Variants in GREB1L observed in about 807,000 individuals in gnomAD.
GREB1L encodes the protein GREB1 like retinoic acid receptor coactivator.
In GREB1L, 17 loss-of-function variants were observed where a neutral mutation model predicts 200.8. The ratio of observed to expected loss-of-function variants is 0.08; its 90% confidence interval spans 0.06 to 0.13. The LOEUF (loss-of-function observed/expected upper bound fraction) is 0.13, where lower values mean the gene tolerates loss of function less well. Among genes scored for constraint, GREB1L ranks in the 10% least tolerant of loss-of-function variants. The probability of loss-of-function intolerance (pLI) is 1.00; values close to 1 mark genes in which losing one functional copy is unlikely to be tolerated. For synonymous variants in GREB1L, 789 were observed against 893.0 expected, an observed-to-expected ratio of 0.88 and a Z score of 2.08; for missense variants, 1,657 against 2,367.7, an observed-to-expected ratio of 0.70 and a Z score of 6.23.
chr18:21,411,917 C>T (rs1213607049), intron 7 of GREB1L, among the ~76,000 whole-genome samples: 1 of 151,600 alleles, frequency 6.6e-6, no homozygotes, highest in African/African-American at 2.4e-5. Context: ...CAGTGGTGGG[C>T]GCCTATAGTC....
intron 2 of GREB1L, among the ~76,000 whole-genome samples, chr18:21,375,095 A>C (rs1221131353): frequency 6.8e-6 from 1 of 147,458 alleles, no homozygotes; most frequent in African/African-American, 2.5e-5. Context: ...ATGGAGTCTC[A>C]CTCTGTTGCC....
At chr18:21,435,334 G>C (rs1201776928) in intron 7 of GREB1L, among the ~76,000 whole-genome samples, 1 of 152,092 alleles carries the variant, frequency 6.6e-6, no homozygotes, top group East Asian at 1.9e-4. Flanking sequence ...AACATTTCTT[G>C]GGCACCTGCT....
intron 4 of GREB1L, among the ~76,000 whole-genome samples, chr18:21,390,605 C>T (rs967329205): frequency 6.6e-5 from 10 of 152,144 alleles, no homozygotes; most frequent in African/African-American, 2.4e-4. Flanking sequence ...GGCGCAATCT[C>T]GGCTCACTGC....
At chr18:21,328,499 G>A (rs1440251883) in intron 1 of GREB1L, among the ~76,000 whole-genome samples, 1 of 152,128 alleles carries the variant, frequency 6.6e-6, no homozygotes, top group Non-Finnish European at 1.5e-5. Flanking sequence ...CTGAGAAATT[G>A]TGTCCAGCCC....
At chr18:21,382,000 A>G (rs2040334517) in intron 2 of GREB1L, among the ~76,000 whole-genome samples, 1 of 152,176 alleles carries the variant, frequency 6.6e-6, no homozygotes, top group Non-Finnish European at 1.5e-5. Context: ...ACCAGCTCCT[A>G]CAAGCCTTAC....
chr18:21,459,980 G>A (rs1257940881), intron 15 of GREB1L, among the ~76,000 whole-genome samples: 2 of 152,044 alleles, frequency 1.3e-5, no homozygotes, highest in Non-Finnish European at 1.5e-5. Flanking sequence ...CAGCCACAAT[G>A]ACTGCCCGCC....
At chr18:21,413,706 G>A (rs1423056237) in intron 7 of GREB1L, among the ~76,000 whole-genome samples, 1 of 152,182 alleles carries the variant, frequency 6.6e-6, no homozygotes, top group Non-Finnish European at 1.5e-5. Flanking sequence ...GGATGGGAGA[G>A]AGAAGGAAAA....
chr18:21,271,491 T>TAA (rs549329511), intron 1 of GREB1L, among the ~76,000 whole-genome samples: 13 of 140,652 alleles, frequency 9.2e-5, no homozygotes, highest in African/African-American at 3.1e-4. Context: ...TATAAAAAGC[T>TAA]AAAAAAAAAA....
intron 1 of GREB1L, among the ~76,000 whole-genome samples, chr18:21,311,386 A>G (rs1436222718): frequency 2.0e-5 from 3 of 152,214 alleles, no homozygotes; most frequent in Admixed American, 2.0e-4. Flanking sequence ...GTTTATTCTA[A>G]GTTGGTCAGA....
chr18:21,365,177 CA>C (rs1464791966), intron 1 of GREB1L, among the ~76,000 whole-genome samples: 11 of 152,018 alleles, frequency 7.2e-5, no homozygotes, highest in African/African-American at 2.2e-4. Flanking sequence ...TTTTAGACAA[CA>C]TAAATTAATT....
intron 1 of GREB1L, among the ~76,000 whole-genome samples, chr18:21,338,263 A>G (rs1400570778): frequency 1.3e-5 from 2 of 152,196 alleles, no homozygotes; most frequent in Non-Finnish European, 2.9e-5. Context: ...AGAGCTCTAC[A>G]TGGCAACAGT....
chr18:21,388,650 T>TTC (rs998384667), intron 4 of GREB1L, among the ~76,000 whole-genome samples: 2 of 148,018 alleles, frequency 1.4e-5, no homozygotes, highest in African/African-American at 4.9e-5. Context: ...GTTCACACCA[T>TTC]TCTCCTGCCT....
intron 20 of GREB1L, among the ~76,000 whole-genome samples, chr18:21,496,138 C>T (rs1469418546): frequency 1.3e-5 from 2 of 152,144 alleles, no homozygotes; most frequent in Non-Finnish European, 2.9e-5. Flanking sequence ...ACAACAACAT[C>T]AACAATAAAA....
chr18:21,468,223 G>T (rs1231226332), intron 15 of GREB1L, among the ~76,000 whole-genome samples: 1 of 152,094 alleles, frequency 6.6e-6, no homozygotes, highest in African/African-American at 2.4e-5. Flanking sequence ...ATAAAGTATT[G>T]ATGCATACTA....
intron 1 of GREB1L, among the ~76,000 whole-genome samples, chr18:21,334,114 T>C (rs2039148967): frequency 6.6e-6 from 1 of 152,186 alleles, no homozygotes; most frequent in African/African-American, 2.4e-5. Flanking sequence ...AAATGAACTA[T>C]TACATTCCTC....
At chr18:21,380,517 G>A (rs2040259495) in intron 2 of GREB1L, 1 of 152,124 alleles carries the variant, frequency 6.6e-6, no homozygotes, top group Admixed American at 6.6e-5. Flanking sequence ...TACCTGTCTT[G>A]AAATGAGATT....
chr18:21,367,593 G>C (rs951042121), intron 2 of GREB1L, among the ~76,000 whole-genome samples: 4 of 152,126 alleles, frequency 2.6e-5, no homozygotes, highest in Admixed American at 2.6e-4. Context: ...ACCAAAACTT[G>C]TTAACTCTAA....
chr18:21,464,311 T>A (rs7228386), intron 15 of GREB1L, among the ~76,000 whole-genome samples: 1 of 152,028 alleles, frequency 6.6e-6, no homozygotes, highest in African/African-American at 2.4e-5. Context: ...GGGCGGATCA[T>A]GAGGTCAAGA....
intron 1 of GREB1L, among the ~76,000 whole-genome samples, chr18:21,300,454 T>C (rs1178909502): frequency 6.6e-6 from 1 of 152,240 alleles, no homozygotes; most frequent in Non-Finnish European, 1.5e-5. Flanking sequence ...TATTTTCTTT[T>C]GCTCCAAAGC....
Sources: allele counts gnomAD v4.1 joint callset (sites outside exome capture counted in the v4.1 genomes callset), GRCh38; gene constraint gnomAD v4.1.1; transcripts MANE v1.5; gene names NCBI Gene and HGNC (gene_info 2026-07-23, HGNC 2026-07-21).